ZNF835: variants seen among roughly 807,000 people sequenced by gnomAD.
The protein encoded by ZNF835 is zinc finger protein 835.
For synonymous variants in ZNF835, 323 were observed against 324.7 expected, an observed-to-expected ratio of 0.99 and a Z score of 0.06; for missense variants, 783 against 758.4, an observed-to-expected ratio of 1.03 and a Z score of -0.38.
rs2045226201 is a variant in ZNF835 at position 56,664,617 on chromosome 19, G to C, written c.582C>G (p.His194Gln). The change falls in exon 2 of 2, where the codon CAC becomes CAG. Residue 194 changes from histidine to glutamine, a missense_variant. Physicochemically the swap from His to Gln is conservative, Grantham distance 24. Coordinates refer to ENST00000537055, the MANE Select transcript of ZNF835 (RefSeq NM_001005850.3). ...HWRTHTGEKP[H>Q]RCADCGKAFT... ...AGGCCTTGCCGCAGTCGGCGCAGCG[G>C]TGCGGCTTCTCGCCCGTGTGCGTGC... is the stretch of plus-strand genomic sequence containing the variant. 1.2e-6 allele frequency: 2 copies of C among 1,606,200 alleles called. No homozygotes were observed. Among genetic ancestry groups the C allele is most frequent in the South Asian group, 2.2e-5 (2 of 90,554 alleles).
At position 56,664,207 on chromosome 19, in the gene ZNF835, T is replaced by C. The variant is rs1414093590; in HGVS notation, c.992A>G (p.Glu331Gly). The change falls in exon 2 of 2, where the codon GAG (glutamate) becomes GGG (glycine). Residue 331 changes from glutamate to glycine, a missense_variant. Glu to Gly is a moderately conservative substitution (Grantham distance 98). Coordinates refer to ENST00000537055, the MANE Select transcript of ZNF835 (RefSeq NM_001005850.3). ...LAEHRRIHTG[E>G]KPYACGQCAK... ...GCACTGGCCGCACGCGTAGGGCTTCTCGCCTGTGTGGATGCGCCGGTGCTC... is the reference window on the plus strand; with the variant it reads ...GCACTGGCCGCACGCGTAGGGCTTCCCGCCTGTGTGGATGCGCCGGTGCTC... 6.2e-7 allele frequency: 1 copy of C among 1,605,740 alleles called. No homozygotes were observed. Among genetic ancestry groups the C allele is most frequent in the South Asian group, 1.1e-5 (1 of 90,244 alleles).
chr19:56,666,939 C>T (rs1422013296), intron 1 of ZNF835, among the ~76,000 whole-genome samples: 3 of 152,194 alleles, frequency 2.0e-5, no homozygotes, highest in South Asian at 2.1e-4. Context: ...CTATTCAACT[C>T]ACTATGCTCC....
chr19:56,664,230 C>G lies in ZNF835; in HGVS notation c.969G>C (p.Glu323Asp). The part of the protein sequence containing the change: ...ALFSQSASLA[E>D]HRRIHTGEKP... ...TCTCGCCTGTGTGGATGCGCCGGTGCTCGGCCAGAGAGGCGCTCTGGCTGA... is the reference window on the plus strand; with the variant it reads ...TCTCGCCTGTGTGGATGCGCCGGTGGTCGGCCAGAGAGGCGCTCTGGCTGA... The change falls in exon 2 of 2, where the codon GAG becomes GAC. Residue 323 changes from glutamate to aspartate, a missense_variant. Physicochemically the swap from Glu to Asp is conservative, Grantham distance 45. Transcript: ENST00000537055. The G allele has an allele frequency of 6.2e-7, 1 of 1,601,980 alleles. No individual in the cohort carries two copies. Among genetic ancestry groups the G allele is most frequent in the South Asian group, 1.1e-5 (1 of 90,036 alleles).
chr19:56,663,477 G>A lies in ZNF835; in HGVS notation c.*108C>T. The A allele has an allele frequency of 1.4e-6, 2 of 1,477,574 alleles. No individual in the cohort carries two copies. Among genetic ancestry groups the A allele is most frequent in the Non-Finnish European group, 1.8e-6 (2 of 1,087,360 alleles). 91.5% of individuals were successfully genotyped at this position (1,477,574 alleles called of 1,614,324 possible). On this transcript the variant is annotated 3_prime_UTR_variant, in exon 2 of 2. Transcript: ENST00000537055. ...GTGTCTTCCCCACTGTGTGCCCTCA[G>A]GCAAGTTAACAAGCTTCTCTGAGCC...
chr19:56,668,020 A>G (rs2049416155), intron 1 of ZNF835, among the ~76,000 whole-genome samples: 1 of 151,906 alleles, frequency 6.6e-6, no homozygotes, highest in Admixed American at 6.6e-5. Flanking sequence ...TTTTGAGATA[A>G]GAGTTTCGCT....
Position 56,664,800 on chromosome 19 carries a change from G to A in ZNF835, c.399C>T (p.Thr133=), listed in dbSNP as rs148609104. 240 of 1,611,278 alleles carry A rather than the reference G, an allele frequency of 1.5e-4. 1 individual carries two copies. In the East Asian group the frequency reaches 5.1e-3, roughly 34 times the overall value. Residue 133 remains threonine, a synonymous_variant, in exon 2 of 2, where the codon ACC becomes ACT. Coordinates refer to ENST00000537055, the MANE Select transcript of ZNF835 (RefSeq NM_001005850.3). ...SAFILHQRIH[T]GEKPFACPEC... ...CGGGGCACGCAAATGGCTTCTCCCC[G>A]GTGTGGATTCTCTGGTGTAAGATGA...
At position 56,664,654 on chromosome 19, in the gene ZNF835, G is replaced by T. The variant is rs763646572; in HGVS notation, c.545C>A (p.Ala182Glu). The change falls in exon 2 of 2, where the codon GCG becomes GAG. Residue 182 changes from alanine to glutamate, a missense_variant. Transcript: ENST00000537055. ...GKAFSQGSYLASHWRTHTGEK... is the reference protein window; with the variant it reads ...GKAFSQGSYLESHWRTHTGEK... ...GCCCGTGTGCGTGCGCCAGTGGGAC[G>T]CCAGGTACGAGCCCTGGCTGAAGGC... The T allele has an allele frequency of 6.2e-7, 1 of 1,609,834 alleles. No individual in the cohort carries two copies. The highest frequency in any genetic ancestry group is 1.7e-5 in the Admixed American group (1 of 59,372).
chr19:56,670,819 C>T (rs1600635473), intron 1 of ZNF835, among the ~76,000 whole-genome samples: 1 of 152,322 alleles, frequency 6.6e-6, no homozygotes, highest in African/African-American at 2.4e-5. Flanking sequence ...GCACACGGGC[C>T]GAGCCAGCCT....
intron 1 of ZNF835, among the ~76,000 whole-genome samples, chr19:56,668,364 C>CTTTTTT (rs10604506): frequency 8.5e-6 from 1 of 117,066 alleles, no homozygotes; most frequent in Admixed American, 9.3e-5. Flanking sequence ...TAAAATAGGG[C>CTTTTTT]TTTTTTTTTT....
rs772575569 is a variant in ZNF835, at chr19:56,665,249, A to G, written c.-47-4T>C. 3.7e-5 allele frequency: 59 copies of G among 1,602,726 alleles called. No homozygotes were observed. The highest frequency in any genetic ancestry group is 4.6e-5 in the Non-Finnish European group (54 of 1,176,532). On this transcript the variant is annotated splice_polypyrimidine_tract_variant and splice_region_variant and intron_variant, in intron 1 of 1. Transcript: ENST00000537055. ...ATCTCACATCTTTTCTCTGGGTCTGAAAAGAAAAAGATAGAAAAAAAAATT... is the reference window on the plus strand; with the variant it reads ...ATCTCACATCTTTTCTCTGGGTCTGGAAAGAAAAAGATAGAAAAAAAAATT...
intron 1 of ZNF835, among the ~76,000 whole-genome samples, chr19:56,667,980 T>C (rs985657307): frequency 2.0e-5 from 3 of 152,106 alleles, no homozygotes; most frequent in African/African-American, 7.2e-5. Context: ...CTTTCTTTTT[T>C]TGTTTTTTTG....
intron 1 of ZNF835, among the ~76,000 whole-genome samples, chr19:56,666,723 G>C (rs548845778): frequency 6.6e-6 from 1 of 152,290 alleles, no homozygotes; most frequent in Admixed American, 6.5e-5. Context: ...GGCCTTTGGA[G>C]GATGATTAGG....
At chr19:56,666,885 C>A (rs1035169844) in intron 1 of ZNF835, among the ~76,000 whole-genome samples, 1 of 152,188 alleles carries the variant, frequency 6.6e-6, no homozygotes, top group African/African-American at 2.4e-5. Context: ...CCTCACCAGA[C>A]AGAATCAGCC....
intron 1 of ZNF835, among the ~76,000 whole-genome samples, chr19:56,667,244 C>A (rs142603442): frequency 6.6e-6 from 1 of 152,184 alleles, no homozygotes; most frequent in Non-Finnish European, 1.5e-5. Flanking sequence ...TGCACGCTGG[C>A]GAGAAACTCA....
intron 1 of ZNF835, among the ~76,000 whole-genome samples, chr19:56,670,837 G>A (rs1375844212): frequency 6.6e-6 from 1 of 152,312 alleles, no homozygotes; most frequent in East Asian, 1.9e-4. Flanking sequence ...CCTACACGGC[G>A]GCACACCCAG....
chr19:56,667,197 G>A (rs961847619), intron 1 of ZNF835, among the ~76,000 whole-genome samples: 3 of 152,248 alleles, frequency 2.0e-5, no homozygotes, highest in Non-Finnish European at 4.4e-5. Context: ...CTGTGATGCT[G>A]AAGGATTTAT....
rs1401789332 is a variant in ZNF835 at position 56,665,156 on chromosome 19, C to G, written c.43G>C (p.Glu15Gln). 6.2e-7 allele frequency: 1 copy of G among 1,613,924 alleles called. No individual in the cohort carries two copies. Among genetic ancestry groups the G allele is most frequent in the Non-Finnish European group, 8.5e-7 (1 of 1,179,898 alleles). Reference sequence around the variant, plus strand: ...TGGCCCTCGTGTTTCCAGTTTCCTTCCAACTCTGCGCCCTGGAGGGCGACG... The same window carrying G: ...TGGCCCTCGTGTTTCCAGTTTCCTTGCAACTCTGCGCCCTGGAGGGCGACG... ...LSVALQGAEL[E>Q]GNWKHEGQVE... Residue 15 changes from glutamate (E) to glutamine (Q), a missense_variant, in exon 2 of 2, where the codon GAA (glutamate) becomes CAA (glutamine). Physicochemically the swap from Glu to Gln is conservative, Grantham distance 29. Transcript: ENST00000537055.
Position 56,664,123 on chromosome 19 carries a change from T to C in ZNF835, c.1076A>G (p.Glu359Gly). ...GCAGTCGTGGCAGGGGTAAGGCCGC[T>C]CTCCGGTGTGCGTGCGCTGGTGCTG... ...LTQHQRTHTG[E>G]RPYPCHDCGK... Residue 359 changes from glutamate to glycine, a missense_variant, in exon 2 of 2, where the codon GAG (glutamate) becomes GGG (glycine). Physicochemically the swap from Glu to Gly is moderately conservative, Grantham distance 98. Transcript: ENST00000537055. 1 of 1,606,030 alleles carries C rather than the reference T, an allele frequency of 6.2e-7. No individual in the cohort carries two copies. The highest frequency in any genetic ancestry group is 8.5e-7 in the Non-Finnish European group (1 of 1,175,268).
chr19:56,671,006 G>A (rs891837245), intron 1 of ZNF835, among the ~76,000 whole-genome samples: 5 of 152,286 alleles, frequency 3.3e-5, no homozygotes, highest in Non-Finnish European at 7.3e-5. Context: ...TTTACCTGCA[G>A]TCACCTGCCT....
Sources: gnomAD v4.1 joint callset for allele counts (sites outside exome capture counted in the v4.1 genomes callset) on GRCh38, gnomAD v4.1.1 for gene constraint, MANE v1.5 for transcripts, NCBI Gene and HGNC (gene_info 2026-07-23, HGNC 2026-07-21) for gene names.